Variants in PPARGC1A observed in about 807,000 individuals in gnomAD.
The protein encoded by PPARGC1A is PPARG coactivator 1 alpha.
A neutral mutation model predicts 88.7 loss-of-function variants in PPARGC1A; 25 were observed. The observed-to-expected ratio is 0.28, with a 90% CI of 0.21 to 0.39. PPARGC1A has a LOEUF of 0.39. Among genes scored for constraint, PPARGC1A ranks in the 10% least tolerant of loss-of-function variants. The pLI is 1.00. For missense variants in PPARGC1A, 880 were observed against 968.7 expected, an observed-to-expected ratio of 0.91 and a Z score of 1.22; for synonymous variants, 363 against 355.6, an observed-to-expected ratio of 1.02 and a Z score of -0.24.
chr4:24,283,552 C>T, the PPARGC1A span, among the ~76,000 whole-genome samples: 2 of 152,148 alleles, frequency 1.3e-5, no homozygotes, highest in African/African-American at 2.4e-5. Flanking sequence ...GAGGATAGTT[C>T]AGCTTTTCTT....
At chr4:24,352,513 C>T in the PPARGC1A span, among the ~76,000 whole-genome samples, 2 of 152,156 alleles carry the variant, frequency 1.3e-5, no homozygotes, top group South Asian at 4.1e-4. Context: ...TTCATCCCCA[C>T]ATCTCAGGGA....
the PPARGC1A span, among the ~76,000 whole-genome samples, chr4:24,330,490 T>C: frequency 6.6e-6 from 1 of 152,126 alleles, no homozygotes; most frequent in Non-Finnish European, 1.5e-5. Context: ...GGCACGTACA[T>C]GAAGGCACTA....
At chr4:23,915,303 G>T in the PPARGC1A span, among the ~76,000 whole-genome samples, 1 of 152,180 alleles carries the variant, frequency 6.6e-6, no homozygotes, top group South Asian at 2.1e-4. Flanking sequence ...GAACATACCT[G>T]GAATTCACCA....
intron 2 of PPARGC1A, among the ~76,000 whole-genome samples, chr4:23,865,803 G>C (rs1234106402): frequency 6.6e-6 from 1 of 152,192 alleles, no homozygotes; most frequent in Non-Finnish European, 1.5e-5. Flanking sequence ...TCAGAATGTA[G>C]GTAAACTGGT....
chr4:23,963,938 G>T, the PPARGC1A span, among the ~76,000 whole-genome samples: 2 of 152,160 alleles, frequency 1.3e-5, no homozygotes, highest in East Asian at 3.9e-4. Flanking sequence ...GCAGCAGTGT[G>T]GAGAACACAG....
At chr4:23,966,078 G>A in the PPARGC1A span, among the ~76,000 whole-genome samples, 17 of 152,174 alleles carry the variant, frequency 1.1e-4, no homozygotes, top group Non-Finnish European at 2.2e-4. Flanking sequence ...TAAACGCACC[G>A]CACTGTATTG....
At chr4:24,080,868 T>A in the PPARGC1A span, among the ~76,000 whole-genome samples, 1 of 152,226 alleles carries the variant, frequency 6.6e-6, no homozygotes, top group Admixed American at 6.6e-5. Context: ...CATATTAGTA[T>A]TTCAAGTAAG....
At chr4:24,017,502 G>A in the PPARGC1A span, among the ~76,000 whole-genome samples, 2 of 151,904 alleles carry the variant, frequency 1.3e-5, no homozygotes, top group East Asian at 1.9e-4. Context: ...AAAAAAAGAT[G>A]GTTAAGCAAA....
At chr4:24,129,221 C>T in the PPARGC1A span, among the ~76,000 whole-genome samples, 6 of 151,612 alleles carry the variant, frequency 4.0e-5, no homozygotes, top group East Asian at 3.9e-4. Context: ...TTTCATCTTT[C>T]GGATTTCAAT....
rs1015569323 is a variant in PPARGC1A, at chr4:23,824,140, T to C, written c.877+140A>G. ...TTTTTTAAATAAACAACTGGAAATATTTGCAGATAACTTCTTATCCAATTT... is the reference window on the plus strand; with the variant it reads ...TTTTTTAAATAAACAACTGGAAATACTTGCAGATAACTTCTTATCCAATTT... On this transcript the variant is annotated intron_variant, in intron 7 of 12. Transcript: ENST00000264867. 28 of 705,210 alleles carry C rather than the reference T, an allele frequency of 4.0e-5. No individual in the cohort carries two copies. In the African/African-American group the frequency reaches 5.1e-4, roughly 13 times the overall value. The allele number at this position is 705,210 out of a possible 1,614,324, so 43.7% of individuals were successfully genotyped here. A position where few individuals can be genotyped will look rare whatever the true frequency, so the allele number is the denominator to read the frequency against.
At chr4:24,040,175 A>G in the PPARGC1A span, among the ~76,000 whole-genome samples, 1 of 152,184 alleles carries the variant, frequency 6.6e-6, no homozygotes, top group Admixed American at 6.5e-5. Context: ...GTATCTTTGC[A>G]TTAGGTACGA....
At chr4:23,805,587 C>T (rs1304860413) in intron 10 of PPARGC1A, among the ~76,000 whole-genome samples, 2 of 152,266 alleles carry the variant, frequency 1.3e-5, no homozygotes, top group African/African-American at 4.8e-5. Flanking sequence ...GAGGCACATC[C>T]CAGACCATCG....
At chr4:24,199,359 T>C in the PPARGC1A span, among the ~76,000 whole-genome samples, 1 of 152,150 alleles carries the variant, frequency 6.6e-6, no homozygotes, top group Non-Finnish European at 1.5e-5. Context: ...AGTCCAGTGA[T>C]AGAAACAGCC....
the PPARGC1A span, among the ~76,000 whole-genome samples, chr4:24,429,335 G>A: frequency 1.8e-4 from 27 of 151,974 alleles, no homozygotes; most frequent in Admixed American, 6.6e-4. Flanking sequence ...GGTATATCAG[G>A]CCCTTTGCTA....
intron 2 of PPARGC1A, among the ~76,000 whole-genome samples, chr4:23,838,273 A>G (rs1303158916): frequency 6.6e-6 from 1 of 151,986 alleles, no homozygotes; most frequent in Non-Finnish European, 1.5e-5. Context: ...CTTCTTTTAT[A>G]CCCAAGTGTG....
chr4:23,891,219 A>G (rs1358427969), upstream of PPARGC1A, among the ~76,000 whole-genome samples: 2 of 152,202 alleles, frequency 1.3e-5, no homozygotes, highest in Non-Finnish European at 2.9e-5. Context: ...TTCCTGTAAC[A>G]TGACAGTGGT....
the PPARGC1A span, among the ~76,000 whole-genome samples, chr4:24,453,026 G>T: frequency 1.3e-5 from 2 of 152,130 alleles, 1 homozygote; most frequent in Non-Finnish European, 2.9e-5. Flanking sequence ...TTTAAACTCT[G>T]GTCTTTAGGG....
At position 23,831,624 on chromosome 4, in the gene PPARGC1A, T is replaced by C. The variant is rs1404591551; in HGVS notation, c.362A>G (p.Asn121Ser). The change falls in exon 3 of 13, where the codon AAT becomes AGT. Residue 121 changes from asparagine to serine, a missense_variant. Physicochemically the swap from Asn to Ser is conservative, Grantham distance 46. Transcript: ENST00000264867. ...ALTDGDVTTDNEASPSSMPDG... is the reference protein window; with the variant it reads ...ALTDGDVTTDSEASPSSMPDG... ...AGGCATGGAGGAAGGACTAGCCTCA[T>C]TGTCAGTGGTCACGTCTCCATCTGT... is the stretch of plus-strand genomic sequence containing the variant. The C allele has an allele frequency of 6.2e-7, 1 of 1,614,106 alleles. No individual in the cohort carries two copies.
the PPARGC1A span, among the ~76,000 whole-genome samples, chr4:24,217,431 G>A: frequency 3.4e-3 from 520 of 152,280 alleles, 5 homozygotes; most frequent in Admixed American, 5.7e-3. Flanking sequence ...GGCTACTGCC[G>A]TTGTTCGGAT....
Sources: gnomAD v4.1 joint callset for allele counts (sites outside exome capture counted in the v4.1 genomes callset) on GRCh38, gnomAD v4.1.1 for gene constraint, MANE v1.5 for transcripts, NCBI Gene and HGNC (gene_info 2026-07-23, HGNC 2026-07-21) for gene names.